Variants in CNTN4 observed in about 807,000 individuals in gnomAD.
The protein encoded by CNTN4 is contactin 4.
A neutral mutation model predicts 122.5 loss-of-function variants in CNTN4; 77 were observed. The observed-to-expected ratio is 0.63, with a 90% CI of 0.52 to 0.76. CNTN4 has a LOEUF of 0.76. CNTN4 is among the 30% of genes least tolerant of loss of function. The probability of loss-of-function intolerance (pLI) is 0.00; values close to 1 mark genes in which losing one functional copy is unlikely to be tolerated. For missense variants in CNTN4, 1,256 were observed against 1,259.1 expected, an observed-to-expected ratio of 1.00 and a Z score of 0.04; for synonymous variants, 512 against 447.0, an observed-to-expected ratio of 1.15 and a Z score of -1.83.
chr3:2,338,706 G>T (rs1452898896), intron 2 of CNTN4, among the ~76,000 whole-genome samples: 5 of 152,082 alleles, frequency 3.3e-5, no homozygotes, highest in Non-Finnish European at 7.4e-5. Flanking sequence ...GTAGCTTTAA[G>T]AGAATGTACA....
intron 3 of CNTN4, among the ~76,000 whole-genome samples, chr3:2,395,625 G>T (rs1044754152): frequency 6.6e-6 from 1 of 152,034 alleles, no homozygotes; most frequent in African/African-American, 2.4e-5. Context: ...AGTAGTTCCA[G>T]TGTCCATTGT....
intron 2 of CNTN4, among the ~76,000 whole-genome samples, chr3:2,292,324 G>C (rs2150004817): frequency 6.6e-6 from 1 of 152,240 alleles, no homozygotes; most frequent in Non-Finnish European, 1.5e-5. Flanking sequence ...TTGTCACTTA[G>C]GATTTATTGA....
intron 2 of CNTN4, among the ~76,000 whole-genome samples, chr3:2,121,995 A>C (rs887809773): frequency 2.5e-4 from 37 of 148,468 alleles, no homozygotes; most frequent in Admixed American, 4.2e-4. Flanking sequence ...CTACTAAAAA[A>C]ATACAAAAAA....
At chr3:2,618,293 A>C (rs1328291232) in intron 4 of CNTN4, among the ~76,000 whole-genome samples, 1 of 152,136 alleles carries the variant, frequency 6.6e-6, no homozygotes, top group Non-Finnish European at 1.5e-5. Context: ...TAATATATGT[A>C]TATGTGTGTA....
intron 3 of CNTN4, among the ~76,000 whole-genome samples, chr3:2,558,206 G>A (rs942203429): frequency 9.2e-5 from 14 of 152,164 alleles, no homozygotes; most frequent in Admixed American, 1.3e-4. Context: ...AATATTGTAC[G>A]TAAGTATAGT....
chr3:2,971,350 G>A (rs968375178), intron 13 of CNTN4, among the ~76,000 whole-genome samples: 10 of 150,366 alleles, frequency 6.7e-5, no homozygotes, highest in African/African-American at 2.2e-4. Flanking sequence ...CTGTCTGTCT[G>A]TCTATCTATC....
At chr3:2,649,994 G>GAT (rs1252057969) in intron 4 of CNTN4, among the ~76,000 whole-genome samples, 1 of 146,998 alleles carries the variant, frequency 6.8e-6, no homozygotes, top group Admixed American at 6.9e-5. Context: ...TCTATAGATA[G>GAT]ATATTTTACA....
intron 3 of CNTN4, among the ~76,000 whole-genome samples, chr3:2,510,646 A>G (rs2076860130): frequency 6.6e-6 from 1 of 152,152 alleles, no homozygotes; most frequent in Non-Finnish European, 1.5e-5. Flanking sequence ...ACATAAACAA[A>G]TGTCTTCCGG....
intron 3 of CNTN4, among the ~76,000 whole-genome samples, chr3:2,533,103 G>A (rs576950361): frequency 4.0e-5 from 6 of 150,308 alleles, no homozygotes; most frequent in South Asian, 2.1e-4. Flanking sequence ...CTACTTTCTC[G>A]GAAAATGTAG....
intron 14 of CNTN4, among the ~76,000 whole-genome samples, chr3:3,010,995 G>A (rs9310923): frequency 0.13 from 19,312 of 152,116 alleles, 1,395 homozygotes; most frequent in African/African-American, 0.2. Flanking sequence ...ATCCTCTCAC[G>A]TTTATCACTT....
intron 4 of CNTN4, among the ~76,000 whole-genome samples, chr3:2,627,256 C>T (rs1026438711): frequency 6.6e-6 from 1 of 152,142 alleles, no homozygotes; most frequent in Non-Finnish European, 1.5e-5. Context: ...TACACATAGA[C>T]AGTAGTTTTT....
At chr3:2,592,120 G>A (rs1298464903) in intron 4 of CNTN4, among the ~76,000 whole-genome samples, 3 of 152,032 alleles carry the variant, frequency 2.0e-5, no homozygotes, top group Non-Finnish European at 4.4e-5. Context: ...GCCTCGAGCA[G>A]TCCTCCCTCC....
rs2092807970 is a variant in CNTN4, at chr3:2,819,177, C to T, written c.359-309C>T. 3.3e-5 allele frequency among the ~76,000 whole-genome samples: 5 copies of T among 152,314 alleles called. No individual in the cohort carries two copies. In the South Asian group the frequency reaches 1.0e-3, roughly 32 times the overall value. On this transcript the variant is annotated intron_variant, in intron 6 of 24. Transcript: ENST00000418658. The stretch of plus-strand genomic sequence containing the variant: ...TGGCCAAGGTGATAATCACTAAGTG[C>T]ATGTGGCTACTGAGCACTTGAAATG...
intron 4 of CNTN4, 177 bp from the exon 5 acceptor site, chr3:2,736,038 T>C: frequency 1.3e-6 from 1 of 747,564 alleles, no homozygotes; most frequent in South Asian, 1.4e-5. Flanking sequence ...TTCATCATAA[T>C]CCACAGAAGA....
intron 13 of CNTN4, among the ~76,000 whole-genome samples, chr3:2,983,822 T>C (rs1694290932): frequency 6.6e-6 from 1 of 152,226 alleles, no homozygotes; most frequent in Non-Finnish European, 1.5e-5. Flanking sequence ...AAGAATAGTT[T>C]ATCAAACTTC....
chr3:2,520,760 G>T (rs983099756), intron 3 of CNTN4, among the ~76,000 whole-genome samples: 2 of 151,954 alleles, frequency 1.3e-5, no homozygotes, highest in African/African-American at 2.4e-5. Flanking sequence ...AAGGAACAGA[G>T]AACACAGTGC....
At chr3:2,963,387 C>T (rs1363290461) in intron 13 of CNTN4, among the ~76,000 whole-genome samples, 3 of 152,060 alleles carry the variant, frequency 2.0e-5, no homozygotes, top group Non-Finnish European at 4.4e-5. Context: ...GATTATTTGG[C>T]GTCAAGATGG....
chr3:2,911,372 T>G (rs781455446), intron 12 of CNTN4, among the ~76,000 whole-genome samples: 1 of 152,094 alleles, frequency 6.6e-6, no homozygotes, highest in African/African-American at 2.4e-5. Context: ...AATTAGGGGA[T>G]TACATACAAA....
intron 6 of CNTN4, among the ~76,000 whole-genome samples, chr3:2,800,983 C>G (rs2092333973): frequency 6.6e-6 from 1 of 152,228 alleles, no homozygotes; most frequent in African/African-American, 2.4e-5. Context: ...CTACTCCCAG[C>G]TCTCTCAATC....
Sources: allele counts gnomAD v4.1 joint callset (sites outside exome capture counted in the v4.1 genomes callset), GRCh38; gene constraint gnomAD v4.1.1; transcripts MANE v1.5; gene names NCBI Gene and HGNC (gene_info 2026-07-23, HGNC 2026-07-21).